ITPR1: variants seen among roughly 807,000 people sequenced by gnomAD.
The protein encoded by ITPR1 is inositol 1,4,5-trisphosphate-gated calcium channel ITPR1.
In ITPR1, 96 loss-of-function variants were observed where a neutral mutation model predicts 318.4. That is an observed-to-expected ratio of 0.30 (90% CI 0.26 to 0.36). The LOEUF (loss-of-function observed/expected upper bound fraction) is 0.36, where lower values mean the gene tolerates loss of function less well. Among genes scored for constraint, ITPR1 ranks in the 10% least tolerant of loss-of-function variants. ITPR1 has a pLI of 1.00. For synonymous variants in ITPR1, 1,312 were observed against 1,289.9 expected (o/e 1.02, Z -0.37); for missense variants, 2,440 against 3,460.2 (o/e 0.71, Z 7.40).
intron 4 of ITPR1, among the ~76,000 whole-genome samples, chr3:4,613,442 C>G (rs1198967565): frequency 6.6e-6 from 1 of 152,140 alleles, no homozygotes. Flanking sequence ...ATTTATTTTT[C>G]TTTCACGGAA....
chr3:4,800,114 G>A (rs1575296856), intron 53 of ITPR1: 1 of 380,906 alleles, frequency 2.6e-6, no homozygotes, highest in Non-Finnish European at 4.7e-6. Context: ...GAGGAGGAGG[G>A]AACTCCTGAC....
intron 4 of ITPR1, among the ~76,000 whole-genome samples, chr3:4,597,600 A>G (rs1280665483): frequency 6.6e-6 from 1 of 152,170 alleles, no homozygotes; most frequent in Admixed American, 6.5e-5. Flanking sequence ...CCTCTGTGAA[A>G]GAGATGAGGC....
chr3:4,768,943 T>C (rs973345240), intron 46 of ITPR1, among the ~76,000 whole-genome samples, 179 bp downstream of exon 46: 2 of 151,342 alleles, frequency 1.3e-5, no homozygotes, highest in African/African-American at 4.9e-5. Context: ...GGAGTCTCGC[T>C]CTGTCACCCA....
chr3:4,627,730 A>T (rs764644504), intron 4 of ITPR1, 33 bp from the exon 5 acceptor site: 3 of 1,383,416 alleles, frequency 2.2e-6, no homozygotes, highest in African/African-American at 2.8e-5. Flanking sequence ...TACACCCTCA[A>T]TGGCAATTTC....
chr3:4,815,003 C>T, intron 58 of ITPR1, 50 bp from the exon 59 acceptor site: 1 of 1,512,398 alleles, frequency 6.6e-7, no homozygotes, highest in South Asian at 1.3e-5. Flanking sequence ...GCTCCGCAGA[C>T]CAAAGGGTCG....
intron 45 of ITPR1, among the ~76,000 whole-genome samples, chr3:4,767,697 ATTTTT>A (rs759754683): frequency 6.6e-6 from 1 of 152,098 alleles, no homozygotes; most frequent in Non-Finnish European, 1.5e-5. Context: ...GTTTAAAACA[ATTTTT>A]TGTTTTGTAG....
chr3:4,567,983 G>A (rs1378084450), intron 4 of ITPR1, among the ~76,000 whole-genome samples: 1 of 63,484 alleles, frequency 1.6e-5, no homozygotes, highest in Non-Finnish European at 3.5e-5. Context: ...ATTAAGGTGA[G>A]AGTGCTGCTC....
intron 60 of ITPR1, among the ~76,000 whole-genome samples, chr3:4,824,592 C>T (rs967458600): frequency 6.6e-6 from 1 of 152,278 alleles, no homozygotes; most frequent in African/African-American, 2.4e-5. Context: ...CTTGGACTGG[C>T]TCATCTCCCA....
chr3:4,621,993 A>G (rs542398905), intron 4 of ITPR1, among the ~76,000 whole-genome samples: 1 of 152,108 alleles, frequency 6.6e-6, no homozygotes, highest in South Asian at 2.1e-4. Flanking sequence ...ACTTGCTGTA[A>G]TTCAACATGG....
At chr3:4,517,955 C>T (rs1176263663) in intron 3 of ITPR1, among the ~76,000 whole-genome samples, 1 of 152,236 alleles carries the variant, frequency 6.6e-6, no homozygotes, top group African/African-American at 2.4e-5. Flanking sequence ...CCTACATCTT[C>T]CTTAATCCTC....
chr3:4,694,593 A>G (rs2094529051), intron 33 of ITPR1, among the ~76,000 whole-genome samples: 1 of 152,178 alleles, frequency 6.6e-6, no homozygotes, highest in African/African-American at 2.4e-5. Context: ...CTTGCTACAC[A>G]CCTCGGCTAT....
chr3:4,824,673 G>T (rs2049955818), intron 60 of ITPR1, among the ~76,000 whole-genome samples: 1 of 152,152 alleles, frequency 6.6e-6, no homozygotes, highest in Non-Finnish European at 1.5e-5. Context: ...CCCCTCTGCG[G>T]GTAGAGAGGA....
intron 4 of ITPR1, among the ~76,000 whole-genome samples, chr3:4,527,262 G>C (rs568047139): frequency 6.6e-6 from 1 of 152,102 alleles, no homozygotes; most frequent in South Asian, 2.1e-4. Context: ...CTGCAGCCTC[G>C]ACCTTCTGGG....
chr3:4,693,366 A>T, intron 32 of ITPR1, 124 bp from the exon 33 acceptor site: 1 of 1,063,492 alleles, frequency 9.4e-7, no homozygotes, highest in South Asian at 1.5e-5. Flanking sequence ...AAGTCAAAAT[A>T]GGTAAGACTG....
Position 4,684,310 on chromosome 3 carries a change from A to G in ITPR1, c.3528A>G (p.Glu1176=). 1.2e-6 allele frequency: 2 copies of G among 1,613,048 alleles called. No individual in the cohort carries two copies. The highest frequency in any genetic ancestry group is 1.3e-5 in the African/African-American group (1 of 75,052). ...EEGNNKPQKH[E]STSSYNYRVV... ...GAAATAACAAGCCACAAAAGCATGA[A>G]AGCACCAGCAGCTACAACTACAGAG... is the stretch of plus-strand genomic sequence containing the variant. The change falls in exon 29 of 62, where the codon GAA becomes GAG. Residue 1176 remains glutamate (E), a synonymous_variant. Coordinates refer to ENST00000649015, the MANE Select transcript of ITPR1 (RefSeq NM_001378452.1).
intron 41 of ITPR1, 129 bp downstream of exon 41, chr3:4,725,710 C>T: frequency 2.6e-6 from 2 of 775,616 alleles, no homozygotes; most frequent in Non-Finnish European, 4.4e-6. Flanking sequence ...AGGGAGGTCT[C>T]TAGGCTGGCT....
At chr3:4,608,070 G>T (rs1179314514) in intron 4 of ITPR1, among the ~76,000 whole-genome samples, 2 of 152,072 alleles carry the variant, frequency 1.3e-5, no homozygotes, top group Non-Finnish European at 2.9e-5. Flanking sequence ...CTTTGCCTAA[G>T]CCCAGAAACA....
At chr3:4,535,340 A>G (rs1575445562) in intron 4 of ITPR1, among the ~76,000 whole-genome samples, 2 of 151,912 alleles carry the variant, frequency 1.3e-5, no homozygotes, top group Admixed American at 6.6e-5. Flanking sequence ...ACAAGGCAAG[A>G]TGTGAAAATG....
intron 44 of ITPR1, among the ~76,000 whole-genome samples, chr3:4,753,828 C>T (rs780008617): frequency 6.6e-6 from 1 of 152,112 alleles, no homozygotes; most frequent in African/African-American, 2.4e-5. Flanking sequence ...TGTGCGGGCT[C>T]TCACCTGTTT....
Sources: allele counts gnomAD v4.1 joint callset (sites outside exome capture counted in the v4.1 genomes callset), GRCh38; gene constraint gnomAD v4.1.1; transcripts MANE v1.5; gene names NCBI Gene and HGNC (gene_info 2026-07-23, HGNC 2026-07-21).